The following DPP10 variants were observed in gnomAD, a reference collection of about 807,000 sequenced individuals.
The protein encoded by DPP10 is inactive dipeptidyl peptidase 10.
A neutral mutation model predicts 120.9 loss-of-function variants in DPP10; 33 were observed. That is an observed-to-expected ratio of 0.27 (90% CI 0.21 to 0.37). The LOEUF is 0.37. DPP10 is among the 10% of genes least tolerant of loss of function. DPP10 has a pLI of 1.00. For synonymous variants in DPP10, 337 were observed against 326.1 expected (o/e 1.03, Z -0.36); for missense variants, 816 against 942.8 (o/e 0.87, Z 1.76).
At chr2:115,127,934 TTTTG>T (rs1164417908) in intron 1 of DPP10, among the ~76,000 whole-genome samples, 2 of 152,230 alleles carry the variant, frequency 1.3e-5, no homozygotes, top group South Asian at 2.1e-4. Flanking sequence ...TTTAACTTTC[TTTTG>T]TTTATCTTTT....
At chr2:114,486,823 C>A (rs1396836789) in intron 1 of DPP10, among the ~76,000 whole-genome samples, 1 of 152,020 alleles carries the variant, frequency 6.6e-6, no homozygotes, top group Non-Finnish European at 1.5e-5. Flanking sequence ...TATTGTTCTT[C>A]TAGTGTTAAA....
At chr2:114,933,143 T>A (rs1487425585) in intron 1 of DPP10, among the ~76,000 whole-genome samples, 1 of 152,134 alleles carries the variant, frequency 6.6e-6, no homozygotes, top group Non-Finnish European at 1.5e-5. Context: ...GATTCAGTGA[T>A]AAAATAAAAT....
chr2:115,388,885 A>G (rs1226336687), intron 3 of DPP10, among the ~76,000 whole-genome samples: 1 of 151,746 alleles, frequency 6.6e-6, no homozygotes, highest in African/African-American at 2.4e-5. Context: ...AATACACATG[A>G]TATGTAATCT....
At chr2:115,261,438 C>G (rs181597569) in intron 1 of DPP10, among the ~76,000 whole-genome samples, 99 of 152,280 alleles carry the variant, frequency 6.5e-4, no homozygotes, top group Non-Finnish European at 7.1e-4. Flanking sequence ...AAAAATTGGC[C>G]TTGGCATCGT....
At chr2:115,008,036 CA>C (rs1701982526) in intron 1 of DPP10, among the ~76,000 whole-genome samples, 1 of 149,770 alleles carries the variant, frequency 6.7e-6, no homozygotes, top group Non-Finnish European at 1.5e-5. Flanking sequence ...CCATCCCCAT[CA>C]AGCTACCAAT....
chr2:115,069,874 G>A lies in DPP10; in HGVS notation c.61-239365G>A, dbSNP rs553096109. On this transcript the variant is annotated intron_variant, in intron 1 of 25. Transcript: ENST00000410059. ...GGTCTATCTATATATATATGTATAC[G>A]TATATAATATTTATATGTATGTATA... Among the ~76,000 whole-genome samples the A allele has an allele frequency of 1.1e-4, 17 of 150,738 alleles. No individual in the cohort carries two copies. In the East Asian group the frequency reaches 2.1e-3, roughly 19 times the overall value.
intron 3 of DPP10, among the ~76,000 whole-genome samples, chr2:115,457,518 C>T (rs571699065): frequency 2.0e-5 from 3 of 152,040 alleles, no homozygotes; most frequent in South Asian, 2.1e-4. Flanking sequence ...ACAAATCAGG[C>T]GAGAGATTTT....
chr2:114,691,418 C>A (rs1320876527), intron 1 of DPP10, among the ~76,000 whole-genome samples: 1 of 152,030 alleles, frequency 6.6e-6, no homozygotes, highest in Non-Finnish European at 1.5e-5. Context: ...ATGAAGCCAA[C>A]TTGATCATGG....
At chr2:115,805,684 C>A (rs1478307969) in intron 19 of DPP10, among the ~76,000 whole-genome samples, 1 of 151,472 alleles carries the variant, frequency 6.6e-6, no homozygotes, top group Non-Finnish European at 1.5e-5. Context: ...AAGCTATTCT[C>A]CTGCTTCAGC....
intron 1 of DPP10, among the ~76,000 whole-genome samples, chr2:115,029,189 G>A (rs1034592472): frequency 3.3e-5 from 5 of 151,500 alleles, no homozygotes; most frequent in South Asian, 2.1e-4. Flanking sequence ...CTCTGGTAGC[G>A]TGTTTTAATT....
chr2:115,584,314 C>T (rs1052343278), intron 5 of DPP10, among the ~76,000 whole-genome samples: 2 of 152,014 alleles, frequency 1.3e-5, no homozygotes, highest in African/African-American at 2.4e-5. Context: ...GGTGAGCAAA[C>T]GTAGTGGTCA....
At chr2:115,417,280 C>T (rs1171495923) in intron 3 of DPP10, among the ~76,000 whole-genome samples, 6 of 151,996 alleles carry the variant, frequency 3.9e-5, no homozygotes, top group Non-Finnish European at 7.4e-5. Context: ...AATGGAAACC[C>T]CCCAAATAAT....
At chr2:114,973,908 A>G (rs903414379) in intron 1 of DPP10, among the ~76,000 whole-genome samples, 5 of 152,186 alleles carry the variant, frequency 3.3e-5, no homozygotes, top group South Asian at 2.1e-4. Flanking sequence ...AAAAAGAAAA[A>G]AACTAAAATA....
At chr2:115,080,329 C>G (rs1411874436) in intron 1 of DPP10, among the ~76,000 whole-genome samples, 2 of 152,092 alleles carry the variant, frequency 1.3e-5, no homozygotes, top group Non-Finnish European at 2.9e-5. Flanking sequence ...CCCTGTATAT[C>G]TTAAACTAGA....
chr2:114,852,053 C>T (rs1295330050), intron 1 of DPP10, among the ~76,000 whole-genome samples: 1 of 150,966 alleles, frequency 6.6e-6, no homozygotes, highest in South Asian at 2.1e-4. Context: ...ATACAACTCA[C>T]CTTTGCAGCC....
intron 1 of DPP10, among the ~76,000 whole-genome samples, chr2:114,702,575 T>C (rs550125936): frequency 2.0e-5 from 3 of 152,238 alleles, no homozygotes; most frequent in South Asian, 2.1e-4. Context: ...CCTCGTATAC[T>C]TGGCTCCTTC....
intron 1 of DPP10, among the ~76,000 whole-genome samples, chr2:114,815,412 G>A (rs974559298): frequency 6.6e-6 from 1 of 152,164 alleles, no homozygotes; most frequent in African/African-American, 2.4e-5. Context: ...TAGGAAGTTT[G>A]GAGGGGTCAT....
In DPP10 at chr2:115,777,300, G is replaced by A. The variant is rs1455440682; in HGVS notation, c.1313+1G>A. 1.2e-6 allele frequency: 2 copies of A among 1,611,118 alleles called. No homozygotes were observed. The highest frequency in any genetic ancestry group is 1.7e-6 in the Non-Finnish European group (2 of 1,177,678). On this transcript the variant is annotated splice_donor_variant, in intron 14 of 25. Coordinates refer to ENST00000410059, the MANE Select transcript of DPP10 (RefSeq NM_020868.6). LOFTEE classifies it high-confidence loss of function. ...CATACGATGAAACTACTCAAAAAATGTGAGTGTTTTCAGTTCTCTAGTCAG... is the reference window on the plus strand; with the variant it reads ...CATACGATGAAACTACTCAAAAAATATGAGTGTTTTCAGTTCTCTAGTCAG...
At chr2:115,833,181 A>T (rs1305133786) in intron 21 of DPP10, among the ~76,000 whole-genome samples, 3 of 152,224 alleles carry the variant, frequency 2.0e-5, no homozygotes, top group Non-Finnish European at 4.4e-5. Context: ...ATATAATGTC[A>T]TCTTATATAT....
Sources: allele counts gnomAD v4.1 joint callset (sites outside exome capture counted in the v4.1 genomes callset), GRCh38; gene constraint gnomAD v4.1.1; transcripts MANE v1.5; gene names NCBI Gene and HGNC (gene_info 2026-07-23, HGNC 2026-07-21).